NINL: variants seen among roughly 807,000 people sequenced by gnomAD.
The protein encoded by NINL is ninein like, also known as ninein-like protein.
A neutral mutation model predicts 160.3 loss-of-function variants in NINL; 153 were observed. The observed-to-expected ratio is 0.95, with a 90% CI of 0.84 to 1.09. The LOEUF (loss-of-function observed/expected upper bound fraction) is 1.09, where lower values mean the gene tolerates loss of function less well. Ranked by LOEUF, NINL falls within the 50% of genes least tolerant of loss-of-function variation. NINL has a pLI of 0.00. For missense variants in NINL, 1,829 were observed against 1,764.0 expected (o/e 1.04, Z -0.66); for synonymous variants, 800 against 734.8 (o/e 1.09, Z -1.43).
chr20:25,504,399 G>A (rs994871778), intron 6 of NINL, among the ~76,000 whole-genome samples: 15 of 152,170 alleles, frequency 9.9e-5, no homozygotes, highest in African/African-American at 2.7e-4. Flanking sequence ...TGGATCCTGC[G>A]GGATGCTGAG....
In NINL at chr20:25,476,857, C is replaced by G. The variant is rs777905927; in HGVS notation, c.2434G>C (p.Ala812Pro). Residue 812 changes from alanine (A) to proline (P), a missense_variant, in exon 17 of 24, where the codon GCC becomes CCC. Coordinates refer to ENST00000278886, the MANE Select transcript of NINL (RefSeq NM_025176.6). ...LALEEEELELARGKRVDGPSL... is the reference protein window; with the variant it reads ...LALEEEELELPRGKRVDGPSL... ...GGCCCGTCCACTCGCTTCCCGCGGG[C>G]AAGCTCCAACTCCTCCTCCTCGAGG... 6.2e-7 allele frequency: 1 copy of G among 1,613,448 alleles called. No homozygotes were observed. Among genetic ancestry groups the G allele is most frequent in the East Asian group, 2.2e-5 (1 of 44,868 alleles).
At chr20:25,499,327 C>G (rs1052064613) in intron 8 of NINL, 2 of 738,694 alleles carry the variant, frequency 2.7e-6, no homozygotes, top group African/African-American at 3.8e-5. Flanking sequence ...AGTTGCAAGG[C>G]AGAATTTGGC....
At chr20:25,541,776 C>A (rs1219821419) in intron 1 of NINL, among the ~76,000 whole-genome samples, 2 of 152,048 alleles carry the variant, frequency 1.3e-5, no homozygotes, top group African/African-American at 2.4e-5. Context: ...CTGGAAATAG[C>A]CAATAACAGA....
At position 25,489,262 on chromosome 20, in the gene NINL, T is replaced by C. The variant is rs1185335530; in HGVS notation, c.1659A>G (p.Glu553=). The change falls in exon 13 of 24, where the codon GAA becomes GAG. Residue 553 remains glutamate, a synonymous_variant. Transcript: ENST00000278886. ...CACGTACCCGGCACTTGAGCTCGTA[T>C]TCCTTCAGGACTGCTGCGAACCGCT... ...QEERFAAVLK[E]YELKCRDLQD... The C allele has an allele frequency of 1.2e-6, 2 of 1,614,032 alleles. No homozygotes were observed. Among genetic ancestry groups the C allele is most frequent in the African/African-American group, 1.3e-5 (1 of 74,926 alleles).
intron 10 of NINL, among the ~76,000 whole-genome samples, chr20:25,492,505 G>A (rs1161019200): frequency 6.6e-6 from 1 of 151,884 alleles, no homozygotes; most frequent in Non-Finnish European, 1.5e-5. Flanking sequence ...AGGCTGGAGT[G>A]CAGTGGCGGG....
At chr20:25,522,144 G>C (rs1275393969) in intron 2 of NINL, among the ~76,000 whole-genome samples, 1 of 152,178 alleles carries the variant, frequency 6.6e-6, no homozygotes. Flanking sequence ...CTGAGCTCAA[G>C]TGATTCTCCT....
chr20:25,490,468 G>A (rs1472051704), intron 11 of NINL, among the ~76,000 whole-genome samples: 2 of 151,772 alleles, frequency 1.3e-5, no homozygotes, highest in Non-Finnish European at 2.9e-5. Context: ...GCTGAGGCAG[G>A]AGAATGGTGG....
At chr20:25,572,652 A>G (rs954700325) in intron 1 of NINL, among the ~76,000 whole-genome samples, 1 of 152,150 alleles carries the variant, frequency 6.6e-6, no homozygotes, top group Admixed American at 6.5e-5. Context: ...AAACCTTTAC[A>G]TACTGCCCCA....
intron 1 of NINL, among the ~76,000 whole-genome samples, chr20:25,565,290 G>T (rs2064987532): frequency 6.8e-6 from 1 of 147,000 alleles, no homozygotes; most frequent in African/African-American, 2.5e-5. Context: ...ACCTTATCTG[G>T]CCAAGGGAAA....
intron 1 of NINL, among the ~76,000 whole-genome samples, chr20:25,527,913 AT>A (rs540716440): frequency 8.5e-4 from 130 of 152,334 alleles, no homozygotes; most frequent in African/African-American, 3.0e-3. Context: ...TCATCAGAAT[AT>A]TATTTATATA....
Position 25,489,863 on chromosome 20 carries a change from A to C in NINL, c.1596+12T>G. ...TCCCCTCTGGAGGCAGACTGTCAGCAAAGGGACTCGCCTTGTCCTTCAGCA... is the reference window on the plus strand; with the variant it reads ...TCCCCTCTGGAGGCAGACTGTCAGCCAAGGGACTCGCCTTGTCCTTCAGCA... On this transcript the variant is annotated intron_variant, in intron 12 of 23. Transcript: ENST00000278886. 6.2e-7 allele frequency: 1 copy of C among 1,612,810 alleles called. No homozygotes were observed. Among genetic ancestry groups the C allele is most frequent in the East Asian group, 2.2e-5 (1 of 44,872 alleles).
At chr20:25,560,469 G>A (rs2064921068) in intron 1 of NINL, among the ~76,000 whole-genome samples, 1 of 152,168 alleles carries the variant, frequency 6.6e-6, no homozygotes, top group Non-Finnish European at 1.5e-5. Flanking sequence ...TAGAAGTCAG[G>A]TGGCCCTAAT....
At chr20:25,467,590 A>G in intron 18 of NINL, 132 bp from the exon 19 acceptor site, 5 of 711,824 alleles carry the variant, frequency 7.0e-6, no homozygotes, top group Non-Finnish European at 1.3e-5. Flanking sequence ...TGCCCCTGGC[A>G]TTCTCCAGCC....
chr20:25,573,228 C>T (rs533348014), intron 1 of NINL, among the ~76,000 whole-genome samples: 1 of 148,940 alleles, frequency 6.7e-6, no homozygotes, highest in Admixed American at 6.7e-5. Context: ...ACCTGGGAGG[C>T]GGAGGCTGCA....
At chr20:25,484,298 T>C (rs1361562838) in intron 13 of NINL, among the ~76,000 whole-genome samples, 1 of 152,220 alleles carries the variant, frequency 6.6e-6, no homozygotes, top group African/African-American at 2.4e-5. Flanking sequence ...TTCTGGAATC[T>C]GGAGACCGAC....
chr20:25,492,476 G>A (rs1366936700), intron 10 of NINL, among the ~76,000 whole-genome samples: 1 of 151,680 alleles, frequency 6.6e-6, no homozygotes, highest in Non-Finnish European at 1.5e-5. Context: ...TTTGGAGACA[G>A]AGTCTTGCTC....
At chr20:25,510,628 C>T (rs1026193793) in intron 5 of NINL, 46 bp downstream of exon 5, 7 of 1,567,790 alleles carry the variant, frequency 4.5e-6, no homozygotes, top group Non-Finnish European at 4.4e-6. Flanking sequence ...GCTTTCAAAG[C>T]TCTGGGCAAA....
rs765913085 is a variant in NINL, at chr20:25,504,984, C to A, written c.612G>T (p.Val204=). 1.2e-5 allele frequency: 19 copies of A among 1,613,892 alleles called. No individual in the cohort carries two copies. The highest frequency in any genetic ancestry group is 9.3e-6 in the Non-Finnish European group (11 of 1,180,002). Residue 204 remains valine, a synonymous_variant, in exon 6 of 24, where the codon GTG becomes GTT. Transcript: ENST00000278886. The part of the protein sequence containing the change: ...FDTPESQIRG[V]WEELGVGSSG... The stretch of plus-strand genomic sequence containing the variant: ...TGCTGCCCACCCCCAGCTCTTCCCA[C>A]ACGCCCCGGATCTGGCTCTCTGGGG...
At chr20:25,518,708 C>A (rs2064206840) in intron 2 of NINL, among the ~76,000 whole-genome samples, 2 of 152,238 alleles carry the variant, frequency 1.3e-5, no homozygotes, top group Admixed American at 1.3e-4. Flanking sequence ...GACTATTTCG[C>A]TTTCTGCTTT....
Sources: allele counts gnomAD v4.1 joint callset (sites outside exome capture counted in the v4.1 genomes callset), GRCh38; gene constraint gnomAD v4.1.1; transcripts MANE v1.5; gene names NCBI Gene and HGNC (gene_info 2026-07-23, HGNC 2026-07-21).